CBLN2: variants seen among roughly 807,000 people sequenced by gnomAD.
CBLN2 encodes cerebellin 2 precursor.
In CBLN2, 7 loss-of-function variants were observed where a neutral mutation model predicts 15.0. That is an observed-to-expected ratio of 0.47 (90% confidence interval 0.27 to 0.88). The LOEUF (loss-of-function observed/expected upper bound fraction) is 0.88, where lower values mean the gene tolerates loss of function less well. Among genes scored for constraint, CBLN2 ranks in the 40% least tolerant of loss-of-function variants. The pLI is 0.14. For missense variants in CBLN2, 242 were observed against 304.5 expected (o/e 0.79, Z 1.53); for synonymous variants, 149 against 135.2 (o/e 1.10, Z -0.71).
intron 1 of CBLN2, among the ~76,000 whole-genome samples, chr18:72,586,921 T>TTTTCAAATG (rs2069447303): frequency 6.6e-6 from 1 of 152,088 alleles, no homozygotes; most frequent in Admixed American, 6.6e-5. Flanking sequence ...AAGGTTAAAA[T>TTTTCAAATG]TTTCAAATGT....
At chr18:72,568,900 T>C (rs902175681) in intron 1 of CBLN2, among the ~76,000 whole-genome samples, 1 of 152,350 alleles carries the variant, frequency 6.6e-6, no homozygotes, top group Middle Eastern at 3.4e-3. Flanking sequence ...CTAACAGTTA[T>C]GTCAGGAAGA....
chr18:72,567,684 C>A (rs975504971), intron 1 of CBLN2, among the ~76,000 whole-genome samples: 2 of 152,130 alleles, frequency 1.3e-5, no homozygotes, highest in African/African-American at 4.8e-5. Context: ...TCCCTCTTTC[C>A]TTTTCTCTTT....
chr18:72,572,693 A>C (rs1308289861), intron 1 of CBLN2, among the ~76,000 whole-genome samples: 1 of 152,166 alleles, frequency 6.6e-6, no homozygotes, highest in African/African-American at 2.4e-5. Context: ...AGCTGGGATT[A>C]CAAGTGCATG....
At chr18:72,606,118 T>C (rs1256464100) in intron 1 of CBLN2, among the ~76,000 whole-genome samples, 2 of 152,228 alleles carry the variant, frequency 1.3e-5, no homozygotes, top group East Asian at 1.9e-4. Flanking sequence ...AGAAAGCTTT[T>C]CCTATTCTTT....
chr18:72,581,932 A>G (rs1287661076), intron 1 of CBLN2, among the ~76,000 whole-genome samples: 1 of 152,146 alleles, frequency 6.6e-6, no homozygotes, highest in Non-Finnish European at 1.5e-5. Context: ...TCTGTCCAAT[A>G]TGCAATAACA....
chr18:72,599,966 T>G (rs937260735), intron 1 of CBLN2, among the ~76,000 whole-genome samples: 1 of 152,188 alleles, frequency 6.6e-6, no homozygotes, highest in African/African-American at 2.4e-5. Flanking sequence ...AGAGTGGGAC[T>G]GCCATGGCTG....
upstream of CBLN2, among the ~76,000 whole-genome samples, chr18:72,546,264 T>A (rs980663153): frequency 2.1e-4 from 32 of 152,064 alleles, no homozygotes; most frequent in African/African-American, 7.5e-4. Context: ...GGTGAAACCT[T>A]GTCTCTACTA....
At chr18:72,585,115 C>T (rs945689901) in intron 1 of CBLN2, among the ~76,000 whole-genome samples, 1 of 152,156 alleles carries the variant, frequency 6.6e-6, no homozygotes, top group South Asian at 2.1e-4. Flanking sequence ...AACCACAGAG[C>T]CCCAAAAAGG....
chr18:72,572,822 T>C (rs910006469), intron 1 of CBLN2, among the ~76,000 whole-genome samples: 3 of 151,978 alleles, frequency 2.0e-5, no homozygotes, highest in African/African-American at 7.2e-5. Flanking sequence ...GTGTTCATTA[T>C]AAGACACAAA....
intron 1 of CBLN2, among the ~76,000 whole-genome samples, chr18:72,585,501 G>A (rs901331951): frequency 5.3e-5 from 8 of 152,138 alleles, no homozygotes; most frequent in African/African-American, 1.9e-4. Context: ...GCCACAGGAA[G>A]GTCATCCCAT....
upstream of CBLN2, among the ~76,000 whole-genome samples, chr18:72,548,688 G>A (rs115760828): frequency 9.2e-3 from 1,401 of 152,176 alleles, 29 homozygotes; most frequent in African/African-American, 0.032. Flanking sequence ...AATGAAGCCC[G>A]TGCAGCCTGG....
chr18:72,580,520 C>A (rs2069395890), intron 1 of CBLN2, among the ~76,000 whole-genome samples: 1 of 152,058 alleles, frequency 6.6e-6, no homozygotes, highest in Non-Finnish European at 1.5e-5. Flanking sequence ...CTTTTCACCA[C>A]CCAAGTTTAC....
rs1376741438 is a variant in CBLN2, at chr18:72,543,269, C to G, written c.-167+217G>C. 10 of 365,824 alleles carry G rather than the reference C, an allele frequency of 2.7e-5. No homozygotes were observed. The highest frequency in any genetic ancestry group is 4.9e-5 in the Non-Finnish European group (10 of 205,730). 22.7% of individuals were successfully genotyped at this position (365,824 alleles called of 1,614,324 possible). On this transcript the variant is annotated intron_variant, in intron 2 of 4. Coordinates refer to ENST00000269503, the MANE Select transcript of CBLN2 (RefSeq NM_182511.4). The surrounding 1 kb of genome is among the most constrained non-coding windows in gnomAD (Gnocchi z 6.8). ...GACACGCAGAGAAGCCGCCCCCTCG[C>G]CGCCCACAGCCTCCCATTAACTCTT... is the stretch of plus-strand genomic sequence containing the variant.
At chr18:72,618,560 G>A (rs2069678363) in intron 1 of CBLN2, 1 of 755,412 alleles carries the variant, frequency 1.3e-6, no homozygotes, top group South Asian at 1.3e-5. Flanking sequence ...CAAAGACCAG[G>A]TGTCCACTTA....
At chr18:72,612,001 T>C (rs2069625705) in intron 1 of CBLN2, among the ~76,000 whole-genome samples, 1 of 152,198 alleles carries the variant, frequency 6.6e-6, no homozygotes, top group Admixed American at 6.5e-5. Flanking sequence ...TAGGGAATCC[T>C]TTCTTCATTG....
Position 72,544,061 on chromosome 18 carries a change from G to T in CBLN2, c.-296C>A. On this transcript the variant is annotated 5_prime_UTR_variant, in exon 1 of 5. Coordinates refer to ENST00000269503, the MANE Select transcript of CBLN2 (RefSeq NM_182511.4). ...AGCACCGGTCGCTTCTCTTCTTTTA[G>T]ATTCTTTCTTTTCTTTCCCCAATTC... is the stretch of plus-strand genomic sequence containing the variant. 6.7e-6 allele frequency: 1 copy of T among 149,072 alleles called. No individual in the cohort carries two copies. Among genetic ancestry groups the T allele is most frequent in the South Asian group, 2.4e-4 (1 of 4,238 alleles). 9.2% of individuals were successfully genotyped at this position (149,072 alleles called of 1,614,324 possible). A position where few individuals can be genotyped will look rare whatever the true frequency, so the allele number is the denominator to read the frequency against.
At chr18:72,624,291 C>A (rs968781822) in intron 1 of CBLN2, among the ~76,000 whole-genome samples, 22 of 152,004 alleles carry the variant, frequency 1.4e-4, no homozygotes, top group Admixed American at 6.6e-5. Flanking sequence ...TCCCTCTTAA[C>A]ACCTTTCCTT....
At chr18:72,588,668 T>C (rs993492811) in intron 1 of CBLN2, among the ~76,000 whole-genome samples, 9 of 152,178 alleles carry the variant, frequency 5.9e-5, no homozygotes, top group African/African-American at 2.2e-4. Flanking sequence ...CCCTCTTGGA[T>C]GGGAAAGGAA....
intron 1 of CBLN2, among the ~76,000 whole-genome samples, chr18:72,579,270 A>T (rs2144916256): frequency 6.6e-6 from 1 of 152,374 alleles, no homozygotes; most frequent in South Asian, 2.1e-4. Context: ...TCTCAAAAGC[A>T]TAATGAAAGT....
Sources: allele counts gnomAD v4.1 joint callset (sites outside exome capture counted in the v4.1 genomes callset), GRCh38; gene constraint gnomAD v4.1.1; non-coding constraint Gnocchi (gnomAD v3.1); transcripts MANE v1.5; gene names NCBI Gene and HGNC (gene_info 2026-07-23, HGNC 2026-07-21).